WWOX: variants seen among roughly 807,000 people sequenced by gnomAD.
WWOX encodes the protein WW domain-containing oxidoreductase.
In WWOX, 69 loss-of-function variants were observed where a neutral mutation model predicts 46.2. That is an observed-to-expected ratio of 1.49 (90% CI 1.23 to 1.82). The LOEUF is 1.82. Ranked by LOEUF, WWOX falls within the 40% of genes most tolerant of loss-of-function variation. The pLI, the probability that WWOX is intolerant of heterozygous loss-of-function variation, is 0.00. For missense variants in WWOX, 919 were observed against 542.6 expected, an observed-to-expected ratio of 1.69 and a Z score of -6.89; for synonymous variants, 359 against 202.6, an observed-to-expected ratio of 1.77 and a Z score of -6.56.
At chr16:78,494,271 G>C (rs993623009) in intron 8 of WWOX, among the ~76,000 whole-genome samples, 12 of 152,276 alleles carry the variant, frequency 7.9e-5, no homozygotes, top group African/African-American at 2.6e-4. Context: ...GCAGAGAACA[G>C]ATTAGCCCCC....
chr16:78,283,569 G>A (rs1427526410), intron 5 of WWOX, among the ~76,000 whole-genome samples: 1 of 152,022 alleles, frequency 6.6e-6, no homozygotes, highest in African/African-American at 2.4e-5. Flanking sequence ...ATTTGAAAAC[G>A]GATACAGTTT....
At chr16:78,738,475 T>A (rs908052073) in intron 8 of WWOX, among the ~76,000 whole-genome samples, 1 of 152,180 alleles carries the variant, frequency 6.6e-6, no homozygotes. Context: ...AAGAGAATTT[T>A]GAAATAATGA....
intron 8 of WWOX, among the ~76,000 whole-genome samples, chr16:78,593,818 T>A (rs1340206130): frequency 6.6e-6 from 1 of 151,972 alleles, no homozygotes; most frequent in Non-Finnish European, 1.5e-5. Context: ...CTAGCATGAT[T>A]GCAAGCTGAG....
At chr16:78,495,428 A>G (rs2084892499) in intron 8 of WWOX, among the ~76,000 whole-genome samples, 1 of 151,132 alleles carries the variant, frequency 6.6e-6, no homozygotes, top group Non-Finnish European at 1.5e-5. Context: ...GGCGTGAGCC[A>G]CTGCACCTGG....
chr16:79,177,301 C>G (rs1042710100), intron 8 of WWOX, among the ~76,000 whole-genome samples: 43 of 152,280 alleles, frequency 2.8e-4, no homozygotes, highest in African/African-American at 1.0e-3. Flanking sequence ...CGCCTGGCCT[C>G]ATTGCTCGCT....
At chr16:78,283,366 C>A (rs1004826366) in intron 5 of WWOX, among the ~76,000 whole-genome samples, 3 of 152,204 alleles carry the variant, frequency 2.0e-5, no homozygotes, top group African/African-American at 7.2e-5. Context: ...TCAAACCTTT[C>A]ATCCCGCCCT....
chr16:79,140,797 C>G (rs528257091), intron 8 of WWOX, among the ~76,000 whole-genome samples: 1 of 152,172 alleles, frequency 6.6e-6, no homozygotes, highest in East Asian at 1.9e-4. Context: ...ATCAAGCTGA[C>G]GTTTATACTT....
intron 5 of WWOX, among the ~76,000 whole-genome samples, chr16:78,264,267 C>T (rs144106067): frequency 3.3e-5 from 5 of 152,162 alleles, no homozygotes; most frequent in Non-Finnish European, 5.9e-5. Context: ...TGGGCCACCA[C>T]ATCAGTGTGT....
chr16:79,102,886 G>A (rs1690801604), intron 8 of WWOX, among the ~76,000 whole-genome samples: 1 of 151,334 alleles, frequency 6.6e-6, no homozygotes, highest in African/African-American at 2.5e-5. Context: ...GTGTACTTGG[G>A]CACGCACATG....
intron 5 of WWOX, among the ~76,000 whole-genome samples, chr16:78,297,196 A>G (rs192199019): frequency 5.9e-5 from 9 of 152,120 alleles, no homozygotes; most frequent in Admixed American, 5.2e-4. Flanking sequence ...TCCCATCCAG[A>G]TTGTGTTTAT....
intron 8 of WWOX, among the ~76,000 whole-genome samples, chr16:78,504,977 T>G (rs1354550969): frequency 6.6e-6 from 1 of 152,200 alleles, no homozygotes; most frequent in Non-Finnish European, 1.5e-5. Context: ...TGTGTTTTTG[T>G]ATATGCTTAT....
At chr16:78,750,910 A>G (rs369620812) in intron 8 of WWOX, among the ~76,000 whole-genome samples, 9 of 152,242 alleles carry the variant, frequency 5.9e-5, no homozygotes, top group South Asian at 2.1e-4. Flanking sequence ...GGCACTTAGG[A>G]TGATTCCATG....
chr16:79,048,181 C>T (rs920000320), intron 8 of WWOX, among the ~76,000 whole-genome samples: 1 of 152,132 alleles, frequency 6.6e-6, no homozygotes, highest in Admixed American at 6.5e-5. Context: ...TAGCCTTCGA[C>T]TTTCTATTTT....
At chr16:78,336,221 C>G (rs2080884512) in intron 5 of WWOX, among the ~76,000 whole-genome samples, 1 of 151,954 alleles carries the variant, frequency 6.6e-6, no homozygotes, top group Admixed American at 6.5e-5. Context: ...TGCCTGTGAT[C>G]CACAACTTTG....
chr16:78,681,546 C>A (rs74032719), intron 8 of WWOX, among the ~76,000 whole-genome samples: 36 of 141,526 alleles, frequency 2.5e-4, no homozygotes, highest in East Asian at 4.1e-4. Flanking sequence ...CCTCCATATA[C>A]AAAAAAAAAA....
intron 8 of WWOX, among the ~76,000 whole-genome samples, chr16:79,038,089 A>G (rs1450931060): frequency 6.6e-6 from 1 of 152,026 alleles, no homozygotes; most frequent in African/African-American, 2.4e-5. Flanking sequence ...ATTAATTCAG[A>G]TGAGCAGTTG....
At chr16:78,303,031 T>C (rs1454712759) in intron 5 of WWOX, among the ~76,000 whole-genome samples, 2 of 152,218 alleles carry the variant, frequency 1.3e-5, no homozygotes, top group Non-Finnish European at 2.9e-5. Flanking sequence ...TTTGGGAAGA[T>C]AGATGCTCTT....
At chr16:78,440,836 C>T (rs936340302) in intron 8 of WWOX, among the ~76,000 whole-genome samples, 1 of 152,140 alleles carries the variant, frequency 6.6e-6, no homozygotes, top group African/African-American at 2.4e-5. Flanking sequence ...CCAGGCTGGT[C>T]TCAAACTCCT....
At chr16:79,030,967 C>G (rs1305062484) in intron 8 of WWOX, among the ~76,000 whole-genome samples, 1 of 151,776 alleles carries the variant, frequency 6.6e-6, no homozygotes, top group Non-Finnish European at 1.5e-5. Flanking sequence ...TGGCACATGC[C>G]TGTAGTCCCA....
Sources: gnomAD v4.1 joint callset for allele counts (sites outside exome capture counted in the v4.1 genomes callset) on GRCh38, gnomAD v4.1.1 for gene constraint, MANE v1.5 for transcripts, NCBI Gene and HGNC (gene_info 2026-07-23, HGNC 2026-07-21) for gene names.